AGAP1: variants seen among roughly 807,000 people sequenced by gnomAD.
The protein encoded by AGAP1 is arf-GAP with GTPase, ANK repeat and PH domain-containing protein 1.
In AGAP1, 29 loss-of-function variants were observed where a neutral mutation model predicts 105.3. That is an observed-to-expected ratio of 0.28 (90% confidence interval 0.21 to 0.38). AGAP1 has a LOEUF of 0.38. Ranked by LOEUF, AGAP1 falls within the 10% of genes least tolerant of loss-of-function variation. The pLI is 1.00. For missense variants in AGAP1, 998 were observed against 1,165.1 expected (o/e 0.86, Z 2.09); for synonymous variants, 509 against 485.9 (o/e 1.05, Z -0.63).
chr2:236,108,234 C>A (rs561516471), intron 16 of AGAP1, among the ~76,000 whole-genome samples: 40 of 152,354 alleles, frequency 2.6e-4, no homozygotes, highest in African/African-American at 9.4e-4. Flanking sequence ...CTTCCCCTAC[C>A]GAGAAAGGAA....
At chr2:235,897,662 T>C (rs1218544081) in intron 10 of AGAP1, among the ~76,000 whole-genome samples, 1 of 152,194 alleles carries the variant, frequency 6.6e-6, no homozygotes, top group East Asian at 1.9e-4. Flanking sequence ...CAAAAATTCT[T>C]ACACAAGGTA....
intron 1 of AGAP1, among the ~76,000 whole-genome samples, chr2:235,593,303 C>T (rs778003140): frequency 6.6e-6 from 1 of 152,090 alleles, no homozygotes. Context: ...CGCAGAGACC[C>T]GAGACTGAGC....
intron 15 of AGAP1, among the ~76,000 whole-genome samples, chr2:236,047,150 A>G (rs553056978): frequency 3.9e-4 from 59 of 152,298 alleles, no homozygotes; most frequent in Non-Finnish European, 8.4e-4. Context: ...GGGGTGGGGC[A>G]GTGGCCAGCC....
At chr2:235,898,005 A>C (rs1230059070) in intron 10 of AGAP1, among the ~76,000 whole-genome samples, 1 of 152,124 alleles carries the variant, frequency 6.6e-6, no homozygotes, top group Non-Finnish European at 1.5e-5. Context: ...AATCAACAGC[A>C]ATCTAGCTGC....
chr2:235,944,924 G>A (rs1022194676), intron 12 of AGAP1, among the ~76,000 whole-genome samples: 1 of 152,112 alleles, frequency 6.6e-6, no homozygotes, highest in Admixed American at 6.5e-5. Flanking sequence ...ACCAGCACCC[G>A]GCTTTTACAT....
At position 235,754,094 on chromosome 2, in the gene AGAP1, T is replaced by G. The variant is rs1230133065; in HGVS notation, c.673+3606T>G. Among the ~76,000 whole-genome samples, 2 of 152,226 alleles carry G rather than the reference T, an allele frequency of 1.3e-5. No individual in the cohort carries two copies. The highest frequency in any genetic ancestry group is 4.8e-5 in the African/African-American group (2 of 41,462). On this transcript the variant is annotated intron_variant, in intron 6 of 17. Coordinates refer to ENST00000304032, the MANE Select transcript of AGAP1 (RefSeq NM_001037131.3). The surrounding 1 kb of genome is among the most constrained non-coding windows in gnomAD (Gnocchi z 4.6). ...TAGCTTGACCCAAAGGGACACAGCC[T>G]GGACTGGATCCCCCATCTTGGGACC...
chr2:235,759,212 A>G (rs1954200808), intron 6 of AGAP1, among the ~76,000 whole-genome samples: 3 of 130,446 alleles, frequency 2.3e-5, no homozygotes, highest in Non-Finnish European at 4.6e-5. Flanking sequence ...TCTGTCACCC[A>G]GGCTGGACTG....
rs1952780609 is a variant in AGAP1 at position 235,744,503 on chromosome 2, C to T, written c.397-195C>T. On this transcript the variant is annotated intron_variant, in intron 4 of 17. Transcript: ENST00000304032. The surrounding 1 kb of genome is among the most constrained non-coding windows in gnomAD (Gnocchi z 5.2). ...GAAGGGCCCATTCCCAAGGGGAACACCAGGCATGGTGTGCTCAGGAGGAGG... is the reference window on the plus strand; with the variant it reads ...GAAGGGCCCATTCCCAAGGGGAACATCAGGCATGGTGTGCTCAGGAGGAGG... Among the ~76,000 whole-genome samples, 1 of 152,142 alleles carries T rather than the reference C, an allele frequency of 6.6e-6. No homozygotes were observed. The highest frequency in any genetic ancestry group is 2.1e-4 in the South Asian group (1 of 4,828).
chr2:235,879,097 AGC>A lies in AGAP1; in HGVS notation c.1051-4247_1051-4246del. Among the ~76,000 whole-genome samples, 1 of 152,146 alleles carries A rather than the reference AGC, an allele frequency of 6.6e-6. No homozygotes were observed. The highest frequency in any genetic ancestry group is 1.5e-5 in the Non-Finnish European group (1 of 68,024). ...CTGGCAGGAGTGAAGACGGCAGGAG[AGC>A]TGGCCCTGCCACATTCCGTTAGCTA... is the stretch of plus-strand genomic sequence containing the variant. On this transcript the variant is annotated intron_variant, in intron 9 of 17. Transcript: ENST00000304032. The surrounding 1 kb of genome is among the most constrained non-coding windows in gnomAD (Gnocchi z 5.0).
intron 10 of AGAP1, among the ~76,000 whole-genome samples, chr2:235,902,606 G>T (rs551232616): frequency 5.3e-5 from 8 of 152,212 alleles, no homozygotes; most frequent in Non-Finnish European, 1.2e-4. Flanking sequence ...TTTGGAAGGT[G>T]TCAAGCTCAT....
At chr2:235,500,089 T>A (rs1449775198) in intron 1 of AGAP1, among the ~76,000 whole-genome samples, 1 of 151,976 alleles carries the variant, frequency 6.6e-6, no homozygotes, top group African/African-American at 2.4e-5. Flanking sequence ...GAAGTGAAAT[T>A]TTCTTTACTG....
chr2:235,654,544 A>G (rs935945091), intron 1 of AGAP1, among the ~76,000 whole-genome samples: 1 of 152,196 alleles, frequency 6.6e-6, no homozygotes, highest in African/African-American at 2.4e-5. Context: ...AAAGTAAAGA[A>G]TGGTTCACCA....
intron 9 of AGAP1, among the ~76,000 whole-genome samples, chr2:235,835,959 T>C (rs1030100433): frequency 1.3e-5 from 2 of 152,200 alleles, no homozygotes; most frequent in South Asian, 4.1e-4. Context: ...ATGTTGACAG[T>C]TGTATTGTGG....
intron 1 of AGAP1, among the ~76,000 whole-genome samples, chr2:235,501,472 T>TA (rs1320454376): frequency 6.6e-6 from 1 of 152,178 alleles, no homozygotes; most frequent in Non-Finnish European, 1.5e-5. Context: ...AGCTAGATGT[T>TA]ACTAGTAGCT....
At chr2:235,907,980 T>C (rs542516092) in intron 10 of AGAP1, among the ~76,000 whole-genome samples, 25 of 152,274 alleles carry the variant, frequency 1.6e-4, no homozygotes, top group African/African-American at 5.1e-4. Flanking sequence ...ATAATAATAA[T>C]GAGTGATGAT....
At chr2:236,106,599 C>T (rs945339529) in intron 16 of AGAP1, among the ~76,000 whole-genome samples, 3 of 152,182 alleles carry the variant, frequency 2.0e-5, no homozygotes, top group African/African-American at 7.2e-5. Flanking sequence ...CGAGAATTCA[C>T]GTAAGCCAAT....
rs1164156348 is a variant in AGAP1 at position 235,959,416 on chromosome 2, TAAAC to T, written c.1484-9043_1484-9040del. Among the ~76,000 whole-genome samples, 3 of 152,092 alleles carry T rather than the reference TAAAC, an allele frequency of 2.0e-5. No individual in the cohort carries two copies. The highest frequency in any genetic ancestry group is 4.8e-5 in the African/African-American group (2 of 41,416). On this transcript the variant is annotated intron_variant, in intron 12 of 17. Coordinates refer to ENST00000304032, the MANE Select transcript of AGAP1 (RefSeq NM_001037131.3). The surrounding 1 kb of genome is among the most constrained non-coding windows in gnomAD (Gnocchi z 7.3). The stretch of plus-strand genomic sequence containing the variant: ...CTCATATTTTAAACCAGGGGAATGT[TAAAC>T]AACTCCTTGAAAGCGAGCTCTCGAC...
At position 235,741,070 on chromosome 2, in the gene AGAP1, A is replaced by G. The variant is rs751070159; in HGVS notation, c.396+22A>G. On this transcript the variant is annotated intron_variant, in intron 4 of 17. Transcript: ENST00000304032. The surrounding 1 kb of genome is among the most constrained non-coding windows in gnomAD (Gnocchi z 4.9). Reference sequence around the variant, plus strand: ...GCAGGTGAGTATACATGCATGCCCCAAGCCTGCTTTTTTTCCCTTTGTTTT... The same window carrying G: ...GCAGGTGAGTATACATGCATGCCCCGAGCCTGCTTTTTTTCCCTTTGTTTT... 3.9e-6 allele frequency: 6 copies of G among 1,551,264 alleles called. No homozygotes were observed. Among genetic ancestry groups the G allele is most frequent in the Admixed American group, 1.8e-5 (1 of 55,648 alleles).
intron 16 of AGAP1, among the ~76,000 whole-genome samples, chr2:236,116,963 G>A (rs1023357806): frequency 4.6e-5 from 7 of 152,074 alleles, no homozygotes; most frequent in Non-Finnish European, 1.0e-4. Flanking sequence ...GTATTCCGTC[G>A]TATATGTATA....
Sources: gnomAD v4.1 joint callset for allele counts (sites outside exome capture counted in the v4.1 genomes callset) on GRCh38, gnomAD v4.1.1 for gene constraint, Gnocchi (gnomAD v3.1) non-coding constraint, MANE v1.5 for transcripts, NCBI Gene and HGNC (gene_info 2026-07-23, HGNC 2026-07-21) for gene names.